The following PCDHGB6 variants were observed in gnomAD, a reference collection of about 807,000 sequenced individuals.
The protein encoded by PCDHGB6 is protocadherin gamma-B6.
In PCDHGB6, 51 loss-of-function variants were observed where a neutral mutation model predicts 59.1. The observed-to-expected ratio is 0.86, with a 90% CI of 0.69 to 1.09. The LOEUF (loss-of-function observed/expected upper bound fraction) is 1.09, where lower values mean the gene tolerates loss of function less well. Among genes scored for constraint, PCDHGB6 ranks in the 50% least tolerant of loss-of-function variants. The pLI is 0.00. For synonymous variants in PCDHGB6, 466 were observed against 495.1 expected (o/e 0.94, Z 0.78); for missense variants, 1,148 against 1,205.1 (o/e 0.95, Z 0.70).
At chr5:141,500,182 ATT>A (rs1199992745) in intron 2 of PCDHGB6, among the ~76,000 whole-genome samples, 2 of 131,622 alleles carry the variant, frequency 1.5e-5, no homozygotes, top group African/African-American at 3.1e-5. Flanking sequence ...CTTCATTTTT[ATT>A]TTTATTTATT....
At chr5:141,414,137 T>C in intron 1 of PCDHGB6, 1 of 1,595,618 alleles carries the variant, frequency 6.3e-7, no homozygotes, top group South Asian at 1.1e-5. Context: ...TTCTATGAAA[T>C]AGAAATACAA....
Position 141,485,814 on chromosome 5 carries a change from C to T in PCDHGB6, c.2419-8993C>T, listed in dbSNP as rs2099619616. 7.4e-6 allele frequency: 12 copies of T among 1,613,982 alleles called. No individual in the cohort carries two copies. The East Asian group carries it at 2.2e-4, about 30-fold the overall frequency. On this transcript the variant is annotated intron_variant, in intron 1 of 3. Coordinates refer to ENST00000520790, the MANE Select transcript of PCDHGB6 (RefSeq NM_018926.3). This position sits in a 1 kb window ranked among gnomAD's most constrained non-coding sequence, Gnocchi z 5.7. ...TCGGACTACCGCCTGGTGCTGACTG[C>T]TGTCGATGGAGGGAACCCGCCGAGA...
chr5:141,422,850 G>C (rs184432819), intron 1 of PCDHGB6: 30 of 1,614,086 alleles, frequency 1.9e-5, no homozygotes, highest in Middle Eastern at 1.6e-4. Flanking sequence ...GCGGGGACCC[G>C]CCCCTCAGCA....
chr5:141,433,878 T>C (rs774226497), intron 1 of PCDHGB6, among the ~76,000 whole-genome samples: 15 of 151,848 alleles, frequency 9.9e-5, no homozygotes, highest in Non-Finnish European at 1.5e-4. Flanking sequence ...GTTTCATCCA[T>C]TGATGACACT....
At chr5:141,415,881 T>C (rs1589997447) in intron 1 of PCDHGB6, 1 of 1,003,346 alleles carries the variant, frequency 1.0e-6, no homozygotes, top group Non-Finnish European at 1.3e-6. Context: ...GAGTACAATA[T>C]TGACAATTCC....
chr5:141,423,594 C>A, intron 1 of PCDHGB6: 1 of 1,599,308 alleles, frequency 6.3e-7, no homozygotes, highest in South Asian at 1.1e-5. Context: ...GTGAGAAAAG[C>A]GAGCCACTCT....
chr5:141,418,041 T>C lies in PCDHGB6; in HGVS notation c.2418+7421T>C, dbSNP rs764313049. The C allele has an allele frequency of 1.2e-6, 2 of 1,613,858 alleles. No individual in the cohort carries two copies. Among genetic ancestry groups the C allele is most frequent in the Non-Finnish European group, 1.7e-6 (2 of 1,179,856 alleles). On this transcript the variant is annotated intron_variant, in intron 1 of 3. Transcript: ENST00000520790. ...GATCTAGGGCTTAGTGTCCTGGATG[T>C]GTCGGCTCGCGAGCTGCGAGTGAGC... is the stretch of plus-strand genomic sequence containing the variant.
Position 141,422,492 on chromosome 5 carries a change from C to T in PCDHGB6, c.2418+11872C>T, listed in dbSNP as rs747903569. 2.5e-6 allele frequency: 4 copies of T among 1,613,934 alleles called. No homozygotes were observed. The East Asian group carries it at 6.7e-5, about 27-fold the overall frequency. ...GAGTTGGTCCAGAGCTACAATATAA[C>T]GTTGACAGCCACAGACCAGGGAAGC... On this transcript the variant is annotated intron_variant, in intron 1 of 3. Coordinates refer to ENST00000520790, the MANE Select transcript of PCDHGB6 (RefSeq NM_018926.3).
chr5:141,421,679 C>A, intron 1 of PCDHGB6: 1 of 1,613,810 alleles, frequency 6.2e-7, no homozygotes, highest in East Asian at 2.2e-5. Flanking sequence ...ATTCCTGGGG[C>A]GCGATTTGCT....
chr5:141,414,139 G>A (rs1245110230), intron 1 of PCDHGB6: 6 of 1,596,386 alleles, frequency 3.8e-6, no homozygotes, highest in African/African-American at 1.3e-5. Context: ...CTATGAAATA[G>A]AAATACAAGC....
At position 141,409,571 on chromosome 5, in the gene PCDHGB6, T is replaced by TACGTGGTCC. The variant is rs2095286242; in HGVS notation, c.1376_1384dup (p.Val459_Val461dup). On this transcript the variant is annotated inframe_insertion, in exon 1 of 4. Coordinates refer to ENST00000520790, the MANE Select transcript of PCDHGB6 (RefSeq NM_018926.3). ...CGCCCCAGTTTTCGACCAGACGTCCTACGTGGTCCACGTGGCCGAGAACAA... is the reference window on the plus strand; with the variant it reads ...CGCCCCAGTTTTCGACCAGACGTCCTACGTGGTCCACGTGGTCCACGTGGCCGAGAACAA... The TACGTGGTCC allele has an allele frequency of 1.2e-6, 2 of 1,613,932 alleles. No individual in the cohort carries two copies. The highest frequency in any genetic ancestry group is 4.5e-5 in the East Asian group (2 of 44,874).
intron 1 of PCDHGB6, chr5:141,430,655 G>T (rs1309165721): frequency 1.6e-5 from 17 of 1,084,938 alleles, no homozygotes; most frequent in Non-Finnish European, 2.2e-5. Flanking sequence ...TGGAAACAAC[G>T]GAGGAGCTCT....
At chr5:141,421,119 C>T (rs542039688) in intron 1 of PCDHGB6, 1 of 772,768 alleles carries the variant, frequency 1.3e-6, no homozygotes, top group Non-Finnish European at 2.0e-6. Flanking sequence ...TATTTTCCTT[C>T]GCTTTCTGAT....
At position 141,432,718 on chromosome 5, in the gene PCDHGB6, T is replaced by C; in HGVS notation, c.2418+22098T>C. ...CCGTCCAGGACCACGGCCAGCCCCC[T>C]CTCTCCGCCACTGTCACGCTCACCG... On this transcript the variant is annotated intron_variant, in intron 1 of 3. Coordinates refer to ENST00000520790, the MANE Select transcript of PCDHGB6 (RefSeq NM_018926.3). This position sits in a 1 kb window ranked among gnomAD's most constrained non-coding sequence, Gnocchi z 6.0. 1 of 1,613,476 alleles carries C rather than the reference T, an allele frequency of 6.2e-7. No homozygotes were observed. The highest frequency in any genetic ancestry group is 8.5e-7 in the Non-Finnish European group (1 of 1,179,862).
intron 1 of PCDHGB6, among the ~76,000 whole-genome samples, chr5:141,464,265 AAAAAAAAAAAAAGC>A (rs1446781862): frequency 7.4e-6 from 1 of 135,276 alleles, no homozygotes; most frequent in Non-Finnish European, 1.6e-5. Flanking sequence ...ACTCCGTCTA[AAAAAAAAAAAAAGC>A]AAAAAAAAAA....
chr5:141,426,094 G>C (rs2096914562), intron 1 of PCDHGB6, among the ~76,000 whole-genome samples: 1 of 152,350 alleles, frequency 6.6e-6, no homozygotes, highest in African/African-American at 2.4e-5. Flanking sequence ...ACGATATTCT[G>C]TTCAGTCACA....
chr5:141,465,532 C>T (rs1175698109), intron 1 of PCDHGB6, among the ~76,000 whole-genome samples: 1 of 152,138 alleles, frequency 6.6e-6, no homozygotes, highest in Non-Finnish European at 1.5e-5. Flanking sequence ...GGAAGTTTTC[C>T]CAGGCATTTT....
intron 1 of PCDHGB6, among the ~76,000 whole-genome samples, chr5:141,483,007 C>T (rs938404755): frequency 1.3e-5 from 2 of 152,022 alleles, no homozygotes; most frequent in Non-Finnish European, 2.9e-5. Flanking sequence ...ATTGCTTGAA[C>T]CCGGGAGGCA....
Position 141,491,987 on chromosome 5 carries a change from T to A in PCDHGB6, c.2419-2820T>A. The A allele has an allele frequency of 1.4e-6, 1 of 736,922 alleles. No individual in the cohort carries two copies. The highest frequency in any genetic ancestry group is 2.0e-6 in the Non-Finnish European group (1 of 490,378). The allele number at this position is 736,922 out of a possible 1,614,324, so 45.6% of individuals were successfully genotyped here. On this transcript the variant is annotated intron_variant, in intron 1 of 3. Coordinates refer to ENST00000520790, the MANE Select transcript of PCDHGB6 (RefSeq NM_018926.3). The surrounding 1 kb of genome is among the most constrained non-coding windows in gnomAD (Gnocchi z 6.9). ...GCCGGGGCCTCCTTCGAGCTTCCGG[T>A]GAATTTCGGGCGATTTCCGCGGGTG...
Sources: allele counts gnomAD v4.1 joint callset (sites outside exome capture counted in the v4.1 genomes callset), GRCh38; gene constraint gnomAD v4.1.1; non-coding constraint Gnocchi (gnomAD v3.1); transcripts MANE v1.5; gene names NCBI Gene and HGNC (gene_info 2026-07-23, HGNC 2026-07-21).